The following POU6F2 variants were observed in gnomAD, a reference collection of about 807,000 sequenced individuals.
The protein encoded by POU6F2 is POU domain, class 6, transcription factor 2.
Under a neutral mutation model 71.3 loss-of-function variants are expected in POU6F2, and 31 were observed. The ratio of observed to expected loss-of-function variants is 0.43; its 90% CI spans 0.33 to 0.59. POU6F2 has a LOEUF of 0.59. POU6F2 is among the 20% of genes least tolerant of loss of function. The pLI is 0.04. For missense variants in POU6F2, 783 were observed against 856.8 expected (o/e 0.91, Z 1.07); for synonymous variants, 347 against 355.7 (o/e 0.98, Z 0.27).
At chr7:39,290,681 A>G (rs77874750) in intron 4 of POU6F2, among the ~76,000 whole-genome samples, 340 of 152,318 alleles carry the variant, frequency 2.2e-3, no homozygotes, top group Non-Finnish European at 3.0e-3. Context: ...CCATGTGTCA[A>G]TCTTACAAAT....
intron 3 of POU6F2, among the ~76,000 whole-genome samples, chr7:39,204,533 A>T (rs1298169600): frequency 6.6e-6 from 1 of 151,148 alleles, no homozygotes; most frequent in Non-Finnish European, 1.5e-5. Context: ...CTCTCTTCTT[A>T]AAGGAAAGGT....
intron 2 of POU6F2, among the ~76,000 whole-genome samples, chr7:39,105,061 A>G (rs879658692): frequency 4.6e-5 from 7 of 152,258 alleles, no homozygotes; most frequent in Non-Finnish European, 8.8e-5. Flanking sequence ...CTCAATAAGC[A>G]TATAAAACAT....
chr7:39,153,420 G>A (rs535186514), intron 2 of POU6F2, among the ~76,000 whole-genome samples: 2 of 152,092 alleles, frequency 1.3e-5, no homozygotes, highest in African/African-American at 2.4e-5. Flanking sequence ...TACACAATAC[G>A]ATCGCATCCC....
chr7:39,056,103 A>G (rs2128714834), intron 1 of POU6F2, among the ~76,000 whole-genome samples: 1 of 151,980 alleles, frequency 6.6e-6, no homozygotes, highest in East Asian at 1.9e-4. Context: ...ATTTTCAGCA[A>G]TTTTTATTTT....
intron 2 of POU6F2, among the ~76,000 whole-genome samples, chr7:39,170,885 A>G (rs1179205814): frequency 6.6e-6 from 1 of 151,906 alleles, no homozygotes; most frequent in East Asian, 1.9e-4. Context: ...TTATTCCTTT[A>G]CTTTCTTAAT....
At chr7:39,018,747 C>A (rs1349222040) in intron 1 of POU6F2, among the ~76,000 whole-genome samples, 1 of 151,960 alleles carries the variant, frequency 6.6e-6, no homozygotes, top group Non-Finnish European at 1.5e-5. Context: ...GACATATAAC[C>A]TTGTATCATG....
chr7:39,203,285 C>T (rs1214677301), intron 2 of POU6F2, among the ~76,000 whole-genome samples: 1 of 152,122 alleles, frequency 6.6e-6, no homozygotes, highest in Admixed American at 6.5e-5. Context: ...TTGTCTTCCA[C>T]TTGTTATTCA....
intron 3 of POU6F2, 118 bp from the exon 4 acceptor site, chr7:39,207,274 T>G: frequency 1.1e-6 from 1 of 886,306 alleles, no homozygotes; most frequent in Non-Finnish European, 1.7e-6. Context: ...AGATAGGGCA[T>G]GTTTTTTGGT....
At chr7:39,297,594 A>T (rs566708117) in intron 4 of POU6F2, among the ~76,000 whole-genome samples, 1 of 152,220 alleles carries the variant, frequency 6.6e-6, no homozygotes, top group Admixed American at 6.5e-5. Context: ...TCTTAAGTCC[A>T]GTCTTAAATA....
intron 4 of POU6F2, among the ~76,000 whole-genome samples, chr7:39,248,638 C>T (rs1783861280): frequency 2.6e-5 from 4 of 152,210 alleles, no homozygotes; most frequent in African/African-American, 7.2e-5. Flanking sequence ...GTATGTGCCA[C>T]ATCCATATTT....
At chr7:39,428,097 T>A (rs1788016120) in intron 6 of POU6F2, among the ~76,000 whole-genome samples, 1 of 152,234 alleles carries the variant, frequency 6.6e-6, no homozygotes, top group African/African-American at 2.4e-5. Flanking sequence ...AAGCTAATCT[T>A]CATTATGGCT....
At chr7:39,028,530 T>C (rs1396033930) in intron 1 of POU6F2, among the ~76,000 whole-genome samples, 1 of 152,092 alleles carries the variant, frequency 6.6e-6, no homozygotes, top group Non-Finnish European at 1.5e-5. Flanking sequence ...TGAAATTTTG[T>C]TTTGAATGTC....
chr7:39,291,674 A>G (rs1374899515), intron 4 of POU6F2, among the ~76,000 whole-genome samples: 5 of 152,210 alleles, frequency 3.3e-5, no homozygotes, highest in Non-Finnish European at 5.9e-5. Flanking sequence ...GCACATGAAG[A>G]AGAACCTCAG....
intron 4 of POU6F2, among the ~76,000 whole-genome samples, chr7:39,303,892 C>G (rs1245267332): frequency 2.0e-5 from 3 of 152,166 alleles, no homozygotes; most frequent in Non-Finnish European, 4.4e-5. Flanking sequence ...TTTATAATTT[C>G]TTAACAAAAT....
chr7:39,161,890 A>G (rs932135692), intron 2 of POU6F2, among the ~76,000 whole-genome samples: 2 of 152,216 alleles, frequency 1.3e-5, no homozygotes, highest in Non-Finnish European at 2.9e-5. Context: ...ATGTGTCGTC[A>G]TCTTACGTGG....
chr7:39,127,494 A>G (rs749891485), intron 2 of POU6F2, among the ~76,000 whole-genome samples: 2 of 152,220 alleles, frequency 1.3e-5, no homozygotes, highest in African/African-American at 2.4e-5. Context: ...CTTTTCTACC[A>G]ATGAGCTGAC....
chr7:39,330,742 C>T (rs939294853), intron 4 of POU6F2, among the ~76,000 whole-genome samples: 6 of 152,142 alleles, frequency 3.9e-5, no homozygotes, highest in Non-Finnish European at 8.8e-5. Flanking sequence ...TTGTGGGTTA[C>T]CATTTGATAT....
At chr7:39,438,341 T>C (rs755325063) in intron 7 of POU6F2, among the ~76,000 whole-genome samples, 2 of 152,254 alleles carry the variant, frequency 1.3e-5, no homozygotes, top group Non-Finnish European at 2.9e-5. Flanking sequence ...TAATCCAGTC[T>C]ATCATTGATG....
At chr7:39,013,349 G>T (rs998735401) in intron 1 of POU6F2, 1 of 152,352 alleles carries the variant, frequency 6.6e-6, no homozygotes, top group Non-Finnish European at 1.5e-5. Flanking sequence ...GACCCCTTGC[G>T]CTTCCCAAGT....
Sources: allele counts gnomAD v4.1 joint callset (sites outside exome capture counted in the v4.1 genomes callset), GRCh38; gene constraint gnomAD v4.1.1; transcripts MANE v1.5; gene names NCBI Gene and HGNC (gene_info 2026-07-23, HGNC 2026-07-21).